The following PRKG1 variants were observed in gnomAD, a reference collection of about 807,000 sequenced individuals.
The protein encoded by PRKG1 is cGMP-dependent protein kinase 1.
A neutral mutation model predicts 88.1 loss-of-function variants in PRKG1; 35 were observed. The ratio of observed to expected loss-of-function variants is 0.40; its 90% confidence interval spans 0.30 to 0.53. PRKG1 has a LOEUF of 0.53. PRKG1 is among the 20% of genes least tolerant of loss of function. The probability of loss-of-function intolerance (pLI) is 0.59; values close to 1 mark genes in which losing one functional copy is unlikely to be tolerated. For synonymous variants in PRKG1, 303 were observed against 292.5 expected (o/e 1.04, Z -0.37); for missense variants, 540 against 839.8 (o/e 0.64, Z 4.41).
chr10:51,247,115 G>A (rs1259486774), intron 2 of PRKG1, among the ~76,000 whole-genome samples: 2 of 151,918 alleles, frequency 1.3e-5, no homozygotes, highest in Non-Finnish European at 2.9e-5. Context: ...TGGTTCTCAC[G>A]TGGCTGGTAA....
In PRKG1 at chr10:51,762,744, G is replaced by A. The variant is rs185095230; in HGVS notation, c.593-41841G>A. 1.0e-3 allele frequency among the ~76,000 whole-genome samples: 152 copies of A among 152,212 alleles called. 1 individual carries two copies. Among genetic ancestry groups the A allele is most frequent in the African/African-American group, 3.5e-3 (147 of 41,546 alleles). On this transcript the variant is annotated intron_variant, in intron 3 of 17. Transcript: ENST00000373980. ...TGCTACTTAATTATAAACAATCCTT[G>A]CTCTCTTTTAGTCTCCCCCTCAAAG... is the stretch of plus-strand genomic sequence containing the variant.
chr10:51,025,835 T>C (rs1843197105), intron 1 of PRKG1, among the ~76,000 whole-genome samples: 1 of 152,198 alleles, frequency 6.6e-6, no homozygotes, highest in Non-Finnish European at 1.5e-5. Context: ...GGTTATGGGT[T>C]GAATTATGTC....
chr10:51,721,401 C>T (rs1276344245), intron 3 of PRKG1, among the ~76,000 whole-genome samples: 2 of 152,094 alleles, frequency 1.3e-5, no homozygotes, highest in African/African-American at 2.4e-5. Context: ...CCAGGAACTA[C>T]GTGGAACCCA....
chr10:52,274,273 C>T (rs1276946282), intron 12 of PRKG1, among the ~76,000 whole-genome samples: 2 of 148,422 alleles, frequency 1.3e-5, no homozygotes, highest in African/African-American at 4.9e-5. Flanking sequence ...TCCCTCACCC[C>T]CCTCCGACTC....
At chr10:51,710,937 C>T (rs575690868) in intron 3 of PRKG1, among the ~76,000 whole-genome samples, 1 of 152,266 alleles carries the variant, frequency 6.6e-6, no homozygotes, top group South Asian at 2.1e-4. Flanking sequence ...CTCAAGCAAG[C>T]CTCCCATCTC....
At chr10:51,124,172 T>A (rs1440563087) in intron 1 of PRKG1, among the ~76,000 whole-genome samples, 1 of 152,210 alleles carries the variant, frequency 6.6e-6, no homozygotes, top group Non-Finnish European at 1.5e-5. Flanking sequence ...CAGAACCTGA[T>A]CAAGCTACTA....
intron 7 of PRKG1, among the ~76,000 whole-genome samples, chr10:52,130,882 C>T (rs767940056): frequency 6.6e-6 from 1 of 152,112 alleles, no homozygotes; most frequent in Non-Finnish European, 1.5e-5. Context: ...GATAGAGCCT[C>T]CACAGAGACA....
At chr10:51,360,373 C>T (rs2132585271) in intron 2 of PRKG1, among the ~76,000 whole-genome samples, 1 of 152,000 alleles carries the variant, frequency 6.6e-6, no homozygotes, top group East Asian at 1.9e-4. Context: ...ACATCAGCCT[C>T]CAGCATATAA....
chr10:52,283,779 G>C (rs1406524494), intron 14 of PRKG1, among the ~76,000 whole-genome samples: 2 of 152,018 alleles, frequency 1.3e-5, no homozygotes, highest in South Asian at 4.1e-4. Context: ...TGGATGGATA[G>C]ATAGGTAAAT....
chr10:51,187,642 G>T (rs1294528328), intron 2 of PRKG1, among the ~76,000 whole-genome samples: 1 of 151,938 alleles, frequency 6.6e-6, no homozygotes, highest in African/African-American at 2.4e-5. Context: ...ATGCCTCAGT[G>T]ATGGGTCTAA....
intron 5 of PRKG1, among the ~76,000 whole-genome samples, chr10:51,920,082 A>G (rs922155508): frequency 6.6e-6 from 1 of 152,182 alleles, no homozygotes; most frequent in Admixed American, 6.6e-5. Context: ...GCCTTCTGAA[A>G]TACAAGAACT....
chr10:51,978,520 G>T (rs1843909545), intron 5 of PRKG1, among the ~76,000 whole-genome samples: 1 of 150,754 alleles, frequency 6.6e-6, no homozygotes, highest in Non-Finnish European at 1.5e-5. Context: ...AGTTTGATAG[G>T]AATAGCATTG....
intron 9 of PRKG1, among the ~76,000 whole-genome samples, chr10:52,218,210 C>CAAA (rs35778588): frequency 7.4e-5 from 7 of 95,238 alleles, no homozygotes; most frequent in African/African-American, 1.3e-4. Flanking sequence ...GACTCCATCT[C>CAAA]AAAAAAAAAA....
chr10:51,807,971 C>T (rs1007992311), intron 4 of PRKG1, among the ~76,000 whole-genome samples: 10 of 152,026 alleles, frequency 6.6e-5, no homozygotes, highest in African/African-American at 4.8e-5. Flanking sequence ...TTCTGAGCTC[C>T]GAAAGCCAGA....
chr10:51,512,498 T>A (rs1470082042), intron 3 of PRKG1, among the ~76,000 whole-genome samples: 4 of 129,058 alleles, frequency 3.1e-5, no homozygotes, highest in African/African-American at 1.2e-4. Flanking sequence ...TCCAATTTCA[T>A]CCATGTCCCT....
intron 9 of PRKG1, among the ~76,000 whole-genome samples, chr10:52,249,833 A>T (rs1374787220): frequency 1.4e-5 from 2 of 140,662 alleles, no homozygotes; most frequent in African/African-American, 2.5e-5. Context: ...CTGTCTAAAA[A>T]AAACAAAAAG....
intron 3 of PRKG1, among the ~76,000 whole-genome samples, chr10:51,531,717 TCACTGCAACCTCCA>T (rs1175786935): frequency 7.6e-6 from 1 of 131,096 alleles, no homozygotes; most frequent in Non-Finnish European, 1.6e-5. Flanking sequence ...CAATCTCAGC[TCACTGCAACCTCCA>T]CCTCCTGGGT....
intron 3 of PRKG1, among the ~76,000 whole-genome samples, chr10:51,483,009 CTTTTT>C (rs149140774): frequency 7.5e-4 from 83 of 110,456 alleles, no homozygotes; most frequent in Non-Finnish European, 1.3e-3. Context: ...TCTTTTCTTT[CTTTTT>C]TTTTTTTTTT....
chr10:51,005,484 A>C (rs1215790636), intron 1 of PRKG1, among the ~76,000 whole-genome samples: 1 of 152,226 alleles, frequency 6.6e-6, no homozygotes, highest in Non-Finnish European at 1.5e-5. Flanking sequence ...TGACATGGTA[A>C]GCTGGACATT....
Sources: allele counts gnomAD v4.1 joint callset (sites outside exome capture counted in the v4.1 genomes callset), GRCh38; gene constraint gnomAD v4.1.1; transcripts MANE v1.5; gene names NCBI Gene and HGNC (gene_info 2026-07-23, HGNC 2026-07-21).